CTSE: variants seen among roughly 807,000 people sequenced by gnomAD.
The protein encoded by CTSE is cathepsin E.
In CTSE, 43 loss-of-function variants were observed where a neutral mutation model predicts 42.8. The observed-to-expected ratio is 1.01, with a 90% confidence interval of 0.79 to 1.30. The LOEUF is 1.30. Ranked by LOEUF, CTSE falls within the 50% of genes most tolerant of loss-of-function variation. The probability of loss-of-function intolerance (pLI) is 0.00; values close to 1 mark genes in which losing one functional copy is unlikely to be tolerated. For synonymous variants in CTSE, 205 were observed against 191.5 expected, an observed-to-expected ratio of 1.07 and a Z score of -0.58; for missense variants, 532 against 493.5, an observed-to-expected ratio of 1.08 and a Z score of -0.74.
intron 2 of CTSE, 88 bp from the exon 3 acceptor site, chr1:206,022,355 G>T: frequency 3.5e-6 from 3 of 862,556 alleles, no homozygotes; most frequent in Non-Finnish European, 5.6e-6. Flanking sequence ...AGCTCCCAGG[G>T]GCCAGAGCCT....
chr1:206,013,624 C>T lies in CTSE; in HGVS notation c.785+148G>A, dbSNP rs1295761778. 31 of 975,804 alleles carry T rather than the reference C, an allele frequency of 3.2e-5. No individual in the cohort carries two copies. The Admixed American group carries it at 4.9e-4, about 15-fold the overall frequency. 60.4% of individuals were successfully genotyped at this position (975,804 alleles called of 1,614,324 possible). ...CTGGTTACAGAGGTCCCTTCCTGCA[C>T]ACTTGCTCAGCACCTCCATACCTCC... On this transcript the variant is annotated intron_variant, in intron 6 of 8. Coordinates refer to ENST00000358184, the MANE Select transcript of CTSE (RefSeq NM_001910.4).
chr1:206,015,865 C>A, intron 5 of CTSE, 66 bp downstream of exon 5: 1 of 1,461,242 alleles, frequency 6.8e-7, no homozygotes. Context: ...ACTGCTAAGT[C>A]AAGTGTATGT....
chr1:206,015,846 G>A, intron 5 of CTSE, 85 bp downstream of exon 5: 2 of 1,242,838 alleles, frequency 1.6e-6, no homozygotes, highest in Non-Finnish European at 1.1e-6. Flanking sequence ...ACCTAAACCA[G>A]GTCTTTTGAC....
At position 206,016,023 on chromosome 1, in the gene CTSE, G is replaced by C. The variant is rs541417683; in HGVS notation, c.570C>G (p.Pro190=). The change falls in exon 5 of 9, where the codon CCC becomes CCG. Residue 190 remains proline (P), a synonymous_variant. Transcript: ENST00000358184. ...EFDGILGLGY[P]SLAVGGVTPV... ...GAGTCACTCCTCCCACAGCCAAGGA[G>C]GGGTATCCCAGGCCCAGAATTCCAT... The C allele has an allele frequency of 1.9e-6, 3 of 1,613,814 alleles. No homozygotes were observed. The highest frequency in any genetic ancestry group is 3.3e-5 in the Admixed American group (2 of 59,996).
At position 206,010,348 on chromosome 1, in the gene CTSE, CT is replaced by C. The variant is rs1571806866; in HGVS notation, c.1027-2del. 2.5e-6 allele frequency: 4 copies of C among 1,612,208 alleles called. No homozygotes were observed. Among genetic ancestry groups the C allele is most frequent in the Non-Finnish European group, 3.4e-6 (4 of 1,178,694 alleles). On this transcript the variant is annotated splice_acceptor_variant, in intron 8 of 8. Coordinates refer to ENST00000358184, the MANE Select transcript of CTSE (RefSeq NM_001910.4). LOFTEE classifies it high-confidence loss of function. ...AGAACTGCATTCCATCCACGAAGTC[CT>C]GTGGGTTGGAAAGAAGGATGCAAAT...
chr1:206,015,870 G>A (rs1661245721), intron 5 of CTSE, 61 bp downstream of exon 5: 2 of 1,484,780 alleles, frequency 1.3e-6, no homozygotes, highest in South Asian at 1.2e-5. Flanking sequence ...TAAGTCAAGT[G>A]TATGTGTTGT....
Position 206,022,273 on chromosome 1 carries a change from AG to A in CTSE, c.226-7del. The A allele has an allele frequency of 1.9e-6, 3 of 1,590,358 alleles. No homozygotes were observed. The highest frequency in any genetic ancestry group is 2.6e-6 in the Non-Finnish European group (3 of 1,161,002). Reference sequence around the variant, plus strand: ...ATAGTGCCGAAGTATTCCATCTGCAAGGAAGAGTGAGAAGGAAAGAGGGTGT... The same window carrying A: ...ATAGTGCCGAAGTATTCCATCTGCAAGAAGAGTGAGAAGGAAAGAGGGTGT... On this transcript the variant is annotated splice_polypyrimidine_tract_variant and splice_region_variant and intron_variant, in intron 2 of 8. Transcript: ENST00000358184.
In CTSE at chr1:206,010,079, C is replaced by G. The variant is rs546169258; in HGVS notation, c.*104G>C. 2.8e-6 allele frequency: 4 copies of G among 1,439,638 alleles called. No homozygotes were observed. The highest frequency in any genetic ancestry group is 3.9e-6 in the Non-Finnish European group (4 of 1,029,880). 89.2% of individuals were successfully genotyped at this position (1,439,638 alleles called of 1,614,324 possible). Reference sequence around the variant, plus strand: ...TTAATTCAAGTTGCAACCCTGGAAACAGCTACATTCTCTGGAAAATAACTT... The same window carrying G: ...TTAATTCAAGTTGCAACCCTGGAAAGAGCTACATTCTCTGGAAAATAACTT... On this transcript the variant is annotated 3_prime_UTR_variant, in exon 9 of 9. Coordinates refer to ENST00000358184, the MANE Select transcript of CTSE (RefSeq NM_001910.4).
chr1:206,012,683 C>A (rs1368074778), intron 6 of CTSE, 34 bp from the exon 7 acceptor site: 1 of 1,603,482 alleles, frequency 6.2e-7, no homozygotes. Flanking sequence ...GCCCACCTTC[C>A]CTCCCCCGGC....
intron 2 of CTSE, 62 bp downstream of exon 2, chr1:206,022,839 C>T (rs959100740): frequency 2.0e-6 from 3 of 1,463,504 alleles, no homozygotes; most frequent in Admixed American, 2.2e-5. Context: ...CTGGCCATGC[C>T]CTAATGCTGG....
chr1:206,023,577 C>T, intron 1 of CTSE, 147 bp downstream of exon 1: 1 of 690,604 alleles, frequency 1.4e-6, no homozygotes, highest in Non-Finnish European at 2.5e-6. Flanking sequence ...CACAGGCGGT[C>T]ACTGGATGAG....
chr1:206,010,370 C>T (rs371831826), intron 8 of CTSE, 23 bp from the exon 9 acceptor site: 331 of 1,600,024 alleles, frequency 2.1e-4, no homozygotes, highest in Non-Finnish European at 2.5e-4. Context: ...AAGAAGGATG[C>T]AAATGACAAA....
At chr1:206,011,257 C>T (rs967004560) in intron 8 of CTSE, among the ~76,000 whole-genome samples, 5 of 151,906 alleles carry the variant, frequency 3.3e-5, no homozygotes, top group East Asian at 3.9e-4. Context: ...CTCACCATAC[C>T]GGGAAAGAAC....
chr1:206,016,883 G>C (rs894067638), intron 4 of CTSE, among the ~76,000 whole-genome samples: 1 of 151,912 alleles, frequency 6.6e-6, no homozygotes, highest in Non-Finnish European at 1.5e-5. Flanking sequence ...AGATTGTATT[G>C]GTGTATTACA....
intron 4 of CTSE, among the ~76,000 whole-genome samples, chr1:206,019,132 C>T (rs1661339056): frequency 6.6e-6 from 1 of 152,008 alleles, no homozygotes; most frequent in African/African-American, 2.4e-5. Flanking sequence ...ATAAGAGAAG[C>T]AGAACCATTA....
At chr1:206,023,128 TTCTCA>T in intron 1 of CTSE, 71 bp from the exon 2 acceptor site, 1 of 1,408,932 alleles carries the variant, frequency 7.1e-7, no homozygotes, top group Non-Finnish European at 9.8e-7. Context: ...TCGTCCCATT[TTCTCA>T]GGGGCCAACT....
intron 4 of CTSE, among the ~76,000 whole-genome samples, chr1:206,017,847 C>G (rs1422416330): frequency 6.6e-6 from 1 of 152,002 alleles, no homozygotes; most frequent in African/African-American, 2.4e-5. Context: ...TCCCAATATC[C>G]TTTCTGTAGA....
intron 4 of CTSE, among the ~76,000 whole-genome samples, chr1:206,019,169 C>G (rs1297909064): frequency 1.3e-5 from 2 of 152,014 alleles, no homozygotes; most frequent in Admixed American, 6.6e-5. Context: ...ATAGATATAG[C>G]TATAATGATG....
In CTSE at chr1:206,016,031, C is replaced by T. The variant is rs201853489; in HGVS notation, c.562G>A (p.Gly188Arg). 279 of 1,613,802 alleles carry T rather than the reference C, an allele frequency of 1.7e-4. 2 individuals carry two copies. The highest frequency in any genetic ancestry group is 2.2e-4 in the Non-Finnish European group (262 of 1,179,896). The change falls in exon 5 of 9, where the codon GGA (glycine) becomes AGA (arginine). Residue 188 changes from glycine to arginine, a missense_variant. Transcript: ENST00000358184. ...CCTCCCACAGCCAAGGAGGGGTATC[C>T]CAGGCCCAGAATTCCATCAAACTCT... ...DAEFDGILGL[G>R]YPSLAVGGVT...
Sources: gnomAD v4.1 joint callset for allele counts (sites outside exome capture counted in the v4.1 genomes callset) on GRCh38, gnomAD v4.1.1 for gene constraint, MANE v1.5 for transcripts, NCBI Gene and HGNC (gene_info 2026-07-23, HGNC 2026-07-21) for gene names.